EXOC4: variants seen among roughly 807,000 people sequenced by gnomAD.
EXOC4 encodes the protein SEC8-like 1.
EXOC4 carries 71 observed loss-of-function variants against 107.2 expected under a neutral mutation model. The ratio of observed to expected loss-of-function variants is 0.66; its 90% CI spans 0.55 to 0.81. EXOC4 has a LOEUF of 0.81. Among genes scored for constraint, EXOC4 ranks in the 30% least tolerant of loss-of-function variants. EXOC4 has a pLI of 0.00. For missense variants in EXOC4, 1,108 were observed against 1,189.6 expected (o/e 0.93, Z 1.01); for synonymous variants, 456 against 441.2 (o/e 1.03, Z -0.42).
intron 9 of EXOC4, chr7:133,576,507 T>G: frequency 7.8e-7 from 1 of 1,287,196 alleles, no homozygotes; most frequent in South Asian, 1.2e-5. Context: ...TTTAAAACGT[T>G]TTCTTACATG....
intron 14 of EXOC4, among the ~76,000 whole-genome samples, chr7:133,957,472 AG>A (rs1450275715): frequency 2.0e-5 from 3 of 152,212 alleles, no homozygotes; most frequent in Non-Finnish European, 4.4e-5. Context: ...AGTACAACTT[AG>A]TCTAAATTAG....
chr7:133,573,729 C>T (rs1251353952), intron 9 of EXOC4, among the ~76,000 whole-genome samples: 2 of 152,146 alleles, frequency 1.3e-5, no homozygotes, highest in African/African-American at 4.8e-5. Context: ...AGCTCACTCA[C>T]TACAACCTTC....
chr7:134,100,688 G>A, the EXOC4 span, among the ~76,000 whole-genome samples: 1 of 131,370 alleles, frequency 7.6e-6, no homozygotes, highest in East Asian at 2.1e-4. Context: ...GCTCACGCAT[G>A]TAATCCCAGC....
rs183769657 is a variant in EXOC4, at chr7:133,654,455, T to G, written c.1514+24314T>G. 5.3e-5 allele frequency among the ~76,000 whole-genome samples: 8 copies of G among 152,254 alleles called. No homozygotes were observed. The East Asian group carries it at 1.5e-3, about 29-fold the overall frequency. On this transcript the variant is annotated intron_variant, in intron 10 of 17. Transcript: ENST00000253861. ...ATTAGAATTGTACTTGAAACACAAG[T>G]GTTGTTAAATGATATTGGTACAGGT...
rs141712361 is a variant in EXOC4 at position 133,986,092 on chromosome 7, A to G, written c.2207-11400A>G. On this transcript the variant is annotated intron_variant, in intron 14 of 17. Coordinates refer to ENST00000253861, the MANE Select transcript of EXOC4 (RefSeq NM_021807.4). Reference sequence around the variant, plus strand: ...TCCACATCTGGCTATACACATGTGTATGCATGCATAGGACCTAATCTGACT... The same window carrying G: ...TCCACATCTGGCTATACACATGTGTGTGCATGCATAGGACCTAATCTGACT... Among the ~76,000 whole-genome samples the G allele has an allele frequency of 2.0e-3, 304 of 152,374 alleles. 3 individuals carry two copies. The highest frequency in any genetic ancestry group is 6.9e-3 in the African/African-American group (288 of 41,594).
intron 9 of EXOC4, among the ~76,000 whole-genome samples, chr7:133,525,147 G>T (rs1393038355): frequency 6.6e-6 from 1 of 152,136 alleles, no homozygotes; most frequent in Non-Finnish European, 1.5e-5. Context: ...TCTGGGGTAC[G>T]TTAGGATGGA....
At chr7:133,704,890 T>G (rs1224478389) in intron 10 of EXOC4, among the ~76,000 whole-genome samples, 3 of 152,220 alleles carry the variant, frequency 2.0e-5, no homozygotes, top group Non-Finnish European at 2.9e-5. Context: ...TTTCAGACTT[T>G]TGGATTAGGG....
chr7:133,626,408 G>T (rs1802456702), intron 9 of EXOC4, among the ~76,000 whole-genome samples: 1 of 152,076 alleles, frequency 6.6e-6, no homozygotes, highest in Non-Finnish European at 1.5e-5. Context: ...ATTTTCATTG[G>T]GTTGGCTCTA....
chr7:133,462,138 A>G (rs1584935764), intron 7 of EXOC4, among the ~76,000 whole-genome samples: 1 of 152,186 alleles, frequency 6.6e-6, no homozygotes, highest in East Asian at 1.9e-4. Context: ...TACAATTTTC[A>G]TATGTGTGCT....
intron 9 of EXOC4, among the ~76,000 whole-genome samples, chr7:133,613,042 G>A (rs1802107400): frequency 1.3e-5 from 2 of 151,938 alleles, no homozygotes; most frequent in African/African-American, 4.8e-5. Context: ...ATTACCTGTA[G>A]TTTGAAAAAA....
intron 17 of EXOC4, among the ~76,000 whole-genome samples, chr7:134,059,417 A>G (rs940688835): frequency 9.9e-5 from 15 of 152,192 alleles, no homozygotes; most frequent in Admixed American, 4.6e-4. Context: ...CAAAGATAAA[A>G]AGATATCAAC....
At chr7:134,020,814 C>T (rs1795011391) in intron 17 of EXOC4, among the ~76,000 whole-genome samples, 1 of 151,920 alleles carries the variant, frequency 6.6e-6, no homozygotes, top group Non-Finnish European at 1.5e-5. Flanking sequence ...GGTAAAACCC[C>T]GTCTCTTCTA....
At chr7:133,484,863 T>C (rs551951033) in intron 9 of EXOC4, among the ~76,000 whole-genome samples, 106 of 151,962 alleles carry the variant, frequency 7.0e-4, no homozygotes, top group African/African-American at 2.3e-3. Flanking sequence ...ACAGATCACT[T>C]GAGGTCAGGA....
At chr7:133,316,404 C>G (rs1478246916) in intron 4 of EXOC4, among the ~76,000 whole-genome samples, 1 of 152,156 alleles carries the variant, frequency 6.6e-6, no homozygotes, top group Non-Finnish European at 1.5e-5. Flanking sequence ...GCTTCCACTT[C>G]CCTACCCTTG....
intron 11 of EXOC4, among the ~76,000 whole-genome samples, chr7:133,850,429 T>C (rs1798216878): frequency 6.6e-6 from 1 of 152,162 alleles, no homozygotes; most frequent in Admixed American, 6.6e-5. Flanking sequence ...TAAATAAGTT[T>C]GTTTTTTGTT....
intron 7 of EXOC4, among the ~76,000 whole-genome samples, chr7:133,452,329 TATC>T (rs1376161717): frequency 6.6e-6 from 1 of 152,102 alleles, no homozygotes; most frequent in Non-Finnish European, 1.5e-5. Context: ...TGTACACATC[TATC>T]ATAAGATAAC....
At chr7:133,412,487 C>T (rs1034284999) in intron 7 of EXOC4, among the ~76,000 whole-genome samples, 1 of 151,790 alleles carries the variant, frequency 6.6e-6, no homozygotes, top group Non-Finnish European at 1.5e-5. Context: ...TTTTCTTCAG[C>T]ATTTGTCTAA....
At chr7:133,554,146 C>CA (rs1338457177) in intron 9 of EXOC4, among the ~76,000 whole-genome samples, 2 of 151,994 alleles carry the variant, frequency 1.3e-5, no homozygotes, top group Non-Finnish European at 2.9e-5. Flanking sequence ...TCAGGTGGAT[C>CA]TTTAGGAAAA....
At chr7:133,274,135 T>G (rs1221871884) in intron 1 of EXOC4, among the ~76,000 whole-genome samples, 1 of 152,240 alleles carries the variant, frequency 6.6e-6, no homozygotes, top group Non-Finnish European at 1.5e-5. Flanking sequence ...TTGATTCATA[T>G]CAATCTTGTT....
Sources: allele counts gnomAD v4.1 joint callset (sites outside exome capture counted in the v4.1 genomes callset), GRCh38; gene constraint gnomAD v4.1.1; transcripts MANE v1.5; gene names NCBI Gene and HGNC (gene_info 2026-07-23, HGNC 2026-07-21).